The following UMAD1 variants were observed in gnomAD, a reference collection of about 807,000 sequenced individuals.
UMAD1 encodes UBAP1-MVB12-associated (UMA)-domain containing protein 1.
UMAD1 carries 8 observed loss-of-function variants against 6.1 expected under a neutral mutation model. The observed-to-expected ratio is 1.30, with a 90% confidence interval of 0.76 to 2.35. UMAD1 has a LOEUF of 2.35. UMAD1 is among the 30% of genes most tolerant of loss of function. UMAD1 has a pLI of 0.00. For synonymous variants in UMAD1, 56 were observed against 31.4 expected, an observed-to-expected ratio of 1.78 and a Z score of -2.61; for missense variants, 130 against 78.4, an observed-to-expected ratio of 1.66 and a Z score of -2.49.
chr7:7,696,592 A>G (rs746295518), intron 2 of UMAD1, among the ~76,000 whole-genome samples: 12 of 152,136 alleles, frequency 7.9e-5, no homozygotes, highest in Non-Finnish European at 1.6e-4. Context: ...CAACTGTCTG[A>G]AATTTATTGA....
At chr7:7,643,143 A>T (rs910956171) in intron 1 of UMAD1, among the ~76,000 whole-genome samples, 9 of 152,208 alleles carry the variant, frequency 5.9e-5, no homozygotes, top group African/African-American at 2.2e-4. Flanking sequence ...CTGCAGCGCC[A>T]GGGAGAGGCC....
At chr7:7,845,683 T>A (rs1783770200) in intron 3 of UMAD1, among the ~76,000 whole-genome samples, 1 of 152,136 alleles carries the variant, frequency 6.6e-6, no homozygotes, top group Non-Finnish European at 1.5e-5. Context: ...TAGCTATTCT[T>A]AAAATGGCGA....
At chr7:7,674,982 C>A (rs1402759662) in intron 2 of UMAD1, among the ~76,000 whole-genome samples, 3 of 152,038 alleles carry the variant, frequency 2.0e-5, no homozygotes, top group Non-Finnish European at 4.4e-5. Flanking sequence ...GGGAACTCTG[C>A]TTTTTTCTGT....
intron 2 of UMAD1, among the ~76,000 whole-genome samples, chr7:7,747,826 A>G (rs1781601448): frequency 6.6e-6 from 1 of 152,220 alleles, no homozygotes; most frequent in African/African-American, 2.4e-5. Context: ...GAGGAAAAGA[A>G]AGTTTTGCCT....
At chr7:7,721,891 C>T (rs1050290756) in intron 2 of UMAD1, among the ~76,000 whole-genome samples, 6 of 152,070 alleles carry the variant, frequency 3.9e-5, no homozygotes, top group Non-Finnish European at 8.8e-5. Context: ...CAGACCCACC[C>T]TTAATCTGGA....
chr7:7,686,827 T>C lies in UMAD1; in HGVS notation c.82+13374T>C, dbSNP rs1193546770. Among the ~76,000 whole-genome samples, 3 of 152,218 alleles carry C rather than the reference T, an allele frequency of 2.0e-5. No individual in the cohort carries two copies. The East Asian group carries it at 5.8e-4, about 29-fold the overall frequency. On this transcript the variant is annotated intron_variant, in intron 2 of 3. Coordinates refer to ENST00000682710, the MANE Select transcript of UMAD1 (RefSeq NM_001302348.2). ...GGCCAATGGGATATAAGAAGAAATG[T>C]TGTGTTGCAGATTCTAGGAAATCTT... is the stretch of plus-strand genomic sequence containing the variant.
intron 3 of UMAD1, among the ~76,000 whole-genome samples, chr7:7,812,920 CCATTTTTATGATG>C (rs1783049142): frequency 6.6e-6 from 1 of 151,786 alleles, no homozygotes; most frequent in African/African-American, 2.4e-5. Context: ...TTAAGTGCAG[CCATTTTTATGATG>C]TCTTCCGACC....
At chr7:7,802,103 G>A (rs988804492) in intron 3 of UMAD1, among the ~76,000 whole-genome samples, 1 of 152,250 alleles carries the variant, frequency 6.6e-6, no homozygotes, top group Non-Finnish European at 1.5e-5. Context: ...CATTCAGCCG[G>A]GCACAGTGGC....
At chr7:7,865,005 A>G (rs1047824721) in intron 3 of UMAD1, among the ~76,000 whole-genome samples, 1 of 152,196 alleles carries the variant, frequency 6.6e-6, no homozygotes, top group Non-Finnish European at 1.5e-5. Flanking sequence ...AGGTCCCGGA[A>G]GGGGTGTGGG....
chr7:7,708,029 G>A (rs1780649210), intron 2 of UMAD1, among the ~76,000 whole-genome samples: 1 of 152,160 alleles, frequency 6.6e-6, no homozygotes. Context: ...GGTACTGAAA[G>A]TAATTTGCTT....
chr7:7,721,756 A>G (rs1361444272), intron 2 of UMAD1, among the ~76,000 whole-genome samples: 1 of 152,134 alleles, frequency 6.6e-6, no homozygotes, highest in Non-Finnish European at 1.5e-5. Flanking sequence ...TGAACTCCCC[A>G]TCTGTGATGG....
intron 2 of UMAD1, among the ~76,000 whole-genome samples, chr7:7,692,800 G>T (rs1262191129): frequency 2.6e-5 from 4 of 152,074 alleles, no homozygotes; most frequent in Non-Finnish European, 5.9e-5. Context: ...AGTAGAGACG[G>T]GGTTCACCAT....
intron 3 of UMAD1, among the ~76,000 whole-genome samples, chr7:7,855,377 A>G (rs1015855990): frequency 1.3e-5 from 2 of 152,244 alleles, no homozygotes; most frequent in East Asian, 1.9e-4. Context: ...AGGAGTTTCC[A>G]TACATCCTTT....
intron 1 of UMAD1, 89 bp from the exon 2 acceptor site, chr7:7,673,219 GT>G: frequency 1.2e-6 from 1 of 823,044 alleles, no homozygotes; most frequent in South Asian, 1.4e-5. Context: ...AGTAACTATT[GT>G]TATATCGTTA....
In UMAD1 at chr7:7,699,049, TG is replaced by T. The variant is rs63713363; in HGVS notation, c.82+25606del. ...TTTATATAGTTTGTGTGTGTGTGTG[TG>T]GGGGGGGGGTAGATACCAGGTTTGC... On this transcript the variant is annotated intron_variant, in intron 2 of 3. Coordinates refer to ENST00000682710, the MANE Select transcript of UMAD1 (RefSeq NM_001302348.2). Among the ~76,000 whole-genome samples, 235 of 143,632 alleles carry T rather than the reference TG, an allele frequency of 1.6e-3. 1 individual carries two copies. Among genetic ancestry groups the T allele is most frequent in the East Asian group, 3.4e-3 (16 of 4,686 alleles). 94.2% of individuals were successfully genotyped at this position (143,632 alleles called of 152,430 possible). A position where few individuals can be genotyped will look rare whatever the true frequency, so the allele number is the denominator to read the frequency against.
chr7:7,748,895 G>C (rs1781626372), intron 2 of UMAD1, among the ~76,000 whole-genome samples: 1 of 151,946 alleles, frequency 6.6e-6, no homozygotes, highest in Non-Finnish European at 1.5e-5. Flanking sequence ...GTAAATCTAA[G>C]AACTGCCAAA....
chr7:7,774,368 T>C (rs1203215921), intron 2 of UMAD1, among the ~76,000 whole-genome samples: 1 of 152,210 alleles, frequency 6.6e-6, no homozygotes, highest in Admixed American at 6.5e-5. Context: ...TGCTAATTAC[T>C]AGAATCAGAA....
chr7:7,735,574 T>G (rs1781341364), intron 2 of UMAD1, among the ~76,000 whole-genome samples: 1 of 152,158 alleles, frequency 6.6e-6, no homozygotes, highest in Non-Finnish European at 1.5e-5. Flanking sequence ...CATACCCAGC[T>G]AATGTTTGTA....
intron 2 of UMAD1, among the ~76,000 whole-genome samples, chr7:7,763,800 G>A (rs1000302661): frequency 1.3e-5 from 2 of 152,170 alleles, no homozygotes; most frequent in Non-Finnish European, 2.9e-5. Flanking sequence ...ATAGCATAAT[G>A]ATTTACAGCT....
Sources: allele counts gnomAD v4.1 joint callset (sites outside exome capture counted in the v4.1 genomes callset), GRCh38; gene constraint gnomAD v4.1.1; transcripts MANE v1.5; gene names NCBI Gene and HGNC (gene_info 2026-07-23, HGNC 2026-07-21).